Variants in SLC4A8 observed in about 807,000 individuals in gnomAD.
SLC4A8 encodes solute carrier family 4 member 8.
In SLC4A8, 40 loss-of-function variants were observed where a neutral mutation model predicts 125.0. That is an observed-to-expected ratio of 0.32 (90% CI 0.25 to 0.42). SLC4A8 has a LOEUF of 0.42. Ranked by LOEUF, SLC4A8 falls within the 10% of genes least tolerant of loss-of-function variation. SLC4A8 has a pLI of 1.00. For synonymous variants in SLC4A8, 456 were observed against 476.0 expected, an observed-to-expected ratio of 0.96 and a Z score of 0.55; for missense variants, 863 against 1,355.1, an observed-to-expected ratio of 0.64 and a Z score of 5.70.
intron 1 of SLC4A8, among the ~76,000 whole-genome samples, chr12:51,405,924 T>C (rs1373563972): frequency 6.6e-6 from 1 of 152,204 alleles, no homozygotes; most frequent in African/African-American, 2.4e-5. Context: ...TCATGATGCC[T>C]ATAATAAATT....
chr12:51,420,091 CCT>C (rs946689294), upstream of SLC4A8: 28 of 152,312 alleles, frequency 1.8e-4, no homozygotes, highest in African/African-American at 5.8e-4. Context: ...TCTCACTCCC[CCT>C]CTCGCCCCTC....
In SLC4A8 at chr12:51,502,870, G is replaced by C. The variant is rs186044282; in HGVS notation, c.3082-1159G>C. ...TTTTTTTTTTTTGAGATGGAGTCTCGCTCTGTCGTCACCCAGGCTGGAGTG... is the reference window on the plus strand; with the variant it reads ...TTTTTTTTTTTTGAGATGGAGTCTCCCTCTGTCGTCACCCAGGCTGGAGTG... On this transcript the variant is annotated intron_variant, in intron 22 of 24. Transcript: ENST00000453097. Among the ~76,000 whole-genome samples, 501 of 134,926 alleles carry C rather than the reference G, an allele frequency of 3.7e-3. 14 individuals are homozygous for C. The Admixed American group carries it at 0.037, about 10-fold the overall frequency. 88.5% of individuals were successfully genotyped at this position (134,926 alleles called of 152,430 possible).
chr12:51,499,716 T>C (rs979095219), intron 22 of SLC4A8, among the ~76,000 whole-genome samples: 2 of 152,010 alleles, frequency 1.3e-5, no homozygotes, highest in African/African-American at 2.4e-5. Context: ...GGAGTTACTT[T>C]ATTTAGGATG....
intron 15 of SLC4A8, chr12:51,474,715 AG>A: frequency 1.7e-6 from 1 of 574,628 alleles, no homozygotes; most frequent in Admixed American, 3.0e-5. Context: ...CATGCAGGAC[AG>A]GGGGCAGATC....
intron 2 of SLC4A8, among the ~76,000 whole-genome samples, chr12:51,450,204 C>T (rs1949919381): frequency 6.6e-6 from 1 of 151,974 alleles, no homozygotes; most frequent in South Asian, 2.1e-4. Context: ...ATTGTGTATG[C>T]TACAATGTAG....
chr12:51,501,872 C>G (rs1215722782), intron 22 of SLC4A8: 1 of 152,200 alleles, frequency 6.6e-6, no homozygotes, highest in Non-Finnish European at 1.5e-5. Context: ...AATGGAGTCT[C>G]TTTGTGGTTC....
Position 51,488,783 on chromosome 12 carries a change from C to G in SLC4A8, c.2371C>G (p.Leu791Val). ...TGTGATAGCTGCAATTATCCCAGCT[C>G]TTCTCTGTACTATCTTGATATTCAT... is the stretch of plus-strand genomic sequence containing the variant. ...WTVIAAIIPA[L>V]LCTILIFMDQ... Residue 791 changes from leucine to valine, a missense_variant, in exon 18 of 25, where the codon CTT (leucine) becomes GTT (valine). Around this residue, in one of 6 missense-constraint regions of SLC4A8, gnomAD observed 197 missense variants for 377.7 expected, o/e 0.52. Coordinates refer to ENST00000453097, the MANE Select transcript of SLC4A8 (RefSeq NM_001039960.3). The G allele has an allele frequency of 6.2e-7, 1 of 1,613,438 alleles. No individual in the cohort carries two copies. Among genetic ancestry groups the G allele is most frequent in the Non-Finnish European group, 8.5e-7 (1 of 1,179,374 alleles).
intron 11 of SLC4A8, 92 bp downstream of exon 11, chr12:51,463,806 T>C (rs1364723898): frequency 1.2e-6 from 1 of 825,410 alleles, no homozygotes; most frequent in Non-Finnish European, 2.0e-6. Flanking sequence ...CCTACTTCTC[T>C]GTGGTGGGAA....
chr12:51,402,848 G>A (rs2359603), intron 1 of SLC4A8, among the ~76,000 whole-genome samples: 38,876 of 152,128 alleles, frequency 0.26, 5,273 homozygotes, highest in Non-Finnish European at 0.31. Flanking sequence ...GGGCAAAGAC[G>A]GGTGTCTTCT....
chr12:51,491,346 G>A (rs76603954), intron 19 of SLC4A8, among the ~76,000 whole-genome samples: 8,437 of 152,206 alleles, frequency 0.055, 717 homozygotes, highest in African/African-American at 0.18. Context: ...GGACATAAGA[G>A]CAGAGTTAGA....
chr12:51,483,198 G>A (rs760424405), intron 16 of SLC4A8, among the ~76,000 whole-genome samples: 138 of 152,128 alleles, frequency 9.1e-4, no homozygotes, highest in Admixed American at 2.3e-3. Flanking sequence ...TTTTGATGCT[G>A]CCTCCTGAAA....
At chr12:51,492,764 C>T (rs1256539110) in intron 19 of SLC4A8, among the ~76,000 whole-genome samples, 1 of 152,088 alleles carries the variant, frequency 6.6e-6, no homozygotes, top group Non-Finnish European at 1.5e-5. Flanking sequence ...TGGTGGTTTG[C>T]TGCACCTGTC....
At chr12:51,424,588 G>A (rs1948894499), upstream of SLC4A8, 1 of 200,152 alleles carries the variant, frequency 5.0e-6, no homozygotes. Context: ...AGTTTTCAAG[G>A]GTCAGGTGCA....
intron 1 of SLC4A8, chr12:51,403,340 C>T (rs1948428759): frequency 9.8e-5 from 42 of 429,900 alleles, no homozygotes; most frequent in South Asian, 6.4e-4. Flanking sequence ...GTTACTTACT[C>T]ATTTCCAGAG....
chr12:51,425,222 A>C, intron 1 of SLC4A8, 187 bp downstream of exon 1: 1 of 1,396,666 alleles, frequency 7.2e-7, no homozygotes, highest in Non-Finnish European at 9.3e-7. Context: ...GCTGCGAGAG[A>C]GTGACCTTGG....
chr12:51,506,365 C>G (rs181966372), intron 24 of SLC4A8, among the ~76,000 whole-genome samples: 20 of 152,200 alleles, frequency 1.3e-4, no homozygotes, highest in African/African-American at 4.6e-4. Flanking sequence ...GAACTAACAA[C>G]AAGTAAAGAT....
chr12:51,459,998 CA>C lies in SLC4A8; in HGVS notation c.905del (p.Asn302MetfsTer18). 1 of 1,613,582 alleles carries C rather than the reference CA, an allele frequency of 6.2e-7. No individual in the cohort carries two copies. The highest frequency in any genetic ancestry group is 8.5e-7 in the Non-Finnish European group (1 of 1,179,488). ...KKIPTGAEAS[N>X]VLVGEVDILD... The stretch of plus-strand genomic sequence containing the variant: ...AAATTCCTACTGGGGCCGAGGCCTC[CA>C]ATGTCCTGGTTGGAGAGGTGGATAT... On this transcript the variant is annotated frameshift_variant, in exon 8 of 25. Transcript: ENST00000453097. LOFTEE classifies it high-confidence loss of function.
intron 10 of SLC4A8, among the ~76,000 whole-genome samples, chr12:51,463,059 A>G (rs1365064020): frequency 6.6e-6 from 1 of 152,180 alleles, no homozygotes. Flanking sequence ...CAAGTCATCA[A>G]ATGAAAAAAG....
rs1330968512 is a variant in SLC4A8, at chr12:51,507,493, G to T, written c.*55G>T. 1.5e-6 allele frequency: 2 copies of T among 1,303,872 alleles called. No individual in the cohort carries two copies. Among genetic ancestry groups the T allele is most frequent in the Non-Finnish European group, 2.0e-6 (2 of 998,270 alleles). The allele number at this position is 1,303,872 out of a possible 1,614,324, so 80.8% of individuals were successfully genotyped here. A position where few individuals can be genotyped will look rare whatever the true frequency, so the allele number is the denominator to read the frequency against. On this transcript the variant is annotated 3_prime_UTR_variant, in exon 25 of 25. Transcript: ENST00000453097. Reference sequence around the variant, plus strand: ...CGTGTGGTGCCTCAGGGAAGTTCTGGTTACAGAGAAAATGGCGAGTCTCTC... The same window carrying T: ...CGTGTGGTGCCTCAGGGAAGTTCTGTTTACAGAGAAAATGGCGAGTCTCTC...
Sources: allele counts gnomAD v4.1 joint callset (sites outside exome capture counted in the v4.1 genomes callset), GRCh38; gene constraint gnomAD v4.1.1; regional missense constraint gnomAD v4.1.1; transcripts MANE v1.5; gene names NCBI Gene and HGNC (gene_info 2026-07-23, HGNC 2026-07-21).